DLG3: variants seen among roughly 807,000 people sequenced by gnomAD.
DLG3 encodes disks large homolog 3.
DLG3 carries 1 observed loss-of-function variant against 64.1 expected under a neutral mutation model. The observed-to-expected ratio is 0.02, with a 90% CI of 0.01 to 0.07. The LOEUF is 0.07. Ranked by LOEUF, DLG3 falls within the 10% of genes least tolerant of loss-of-function variation. The pLI is 1.00. For synonymous variants in DLG3, 245 were observed against 259.8 expected (o/e 0.94, Z 0.55); for missense variants, 429 against 669.5 (o/e 0.64, Z 3.96).
chrX:70,478,575 C>T (rs1013488463), intron 9 of DLG3, among the ~76,000 whole-genome samples: 3 of 111,750 alleles, frequency 2.7e-5, no homozygotes, highest in Admixed American at 9.5e-5. Flanking sequence ...ATGGTTGTTA[C>T]GGTTGTGAGG....
intron 1 of DLG3, 147 bp downstream of exon 1, chrX:70,445,705 G>A: frequency 1.8e-6 from 1 of 545,789 alleles, no homozygotes; most frequent in Non-Finnish European, 3.0e-6. Context: ...AAGAGAGGCG[G>A]TGGGAAATGT....
At chrX:70,464,461 A>G (rs1433334016) in intron 9 of DLG3, among the ~76,000 whole-genome samples, 1 of 109,735 alleles carries the variant, frequency 9.1e-6, no homozygotes, top group East Asian at 2.9e-4. Flanking sequence ...GGGTTTTGCC[A>G]TGTTGCTCAG....
At chrX:70,490,153 G>A (rs181913719) in intron 10 of DLG3, among the ~76,000 whole-genome samples, 4 of 112,152 alleles carry the variant, frequency 3.6e-5, no homozygotes, top group South Asian at 3.7e-4. Flanking sequence ...GTGAGCCACC[G>A]CGCCCGGCCT....
intron 9 of DLG3, among the ~76,000 whole-genome samples, chrX:70,472,995 A>G (rs1321134236): frequency 2.7e-5 from 3 of 109,449 alleles, no homozygotes; most frequent in African/African-American, 1.0e-4. Flanking sequence ...TGTCTCTACT[A>G]AAAATACAAA....
intron 9 of DLG3, among the ~76,000 whole-genome samples, chrX:70,459,046 C>T (rs1220262526): frequency 9.0e-6 from 1 of 111,714 alleles, no homozygotes; most frequent in African/African-American, 3.3e-5. Flanking sequence ...ACATTTTCCC[C>T]GTAGTGACTT....
chrX:70,472,712 G>A (rs1420114004), intron 9 of DLG3, among the ~76,000 whole-genome samples: 4 of 112,137 alleles, frequency 3.6e-5, no homozygotes, highest in African/African-American at 9.7e-5. Context: ...CATGTGCTTC[G>A]TCTGTCAAGA....
chrX:70,493,393 T>G (rs2087395682), intron 12 of DLG3: 1 of 1,206,579 alleles, frequency 8.3e-7, no homozygotes, highest in South Asian at 1.8e-5. Context: ...AAACGAAACG[T>G]AAAAAGAGTT....
intron 9 of DLG3, among the ~76,000 whole-genome samples, chrX:70,474,411 T>C (rs2087019866): frequency 9.1e-6 from 1 of 110,137 alleles, no homozygotes; most frequent in African/African-American, 3.3e-5. Context: ...AAGAAATAGA[T>C]TGAGGAAGCA....
At position 70,495,373 on chromosome X, in the gene DLG3, C is replaced by T. The variant is rs192601180; in HGVS notation, c.1774-35C>T. 1,985 of 1,191,942 alleles carry T rather than the reference C, an allele frequency of 1.7e-3. 11 individuals carry two copies. The highest frequency in any genetic ancestry group is 1.2e-3 in the Non-Finnish European group (1,077 of 879,608). ...TCCCCTTCCCCCCTCTTCTCCCCGTCGTCCTCTCTCCGCCCTTGCTGTCTG... is the reference window on the plus strand; with the variant it reads ...TCCCCTTCCCCCCTCTTCTCCCCGTTGTCCTCTCTCCGCCCTTGCTGTCTG... On this transcript the variant is annotated intron_variant, in intron 12 of 18. Coordinates refer to ENST00000374360, the MANE Select transcript of DLG3 (RefSeq NM_021120.4).
intron 9 of DLG3, among the ~76,000 whole-genome samples, chrX:70,468,131 G>A (rs1022505736): frequency 1.8e-5 from 2 of 111,345 alleles, no homozygotes; most frequent in Admixed American, 9.6e-5. Context: ...GTGCAGCGGC[G>A]CGATCTCGGC....
At chrX:70,473,585 A>AT (rs1325532751) in intron 9 of DLG3, among the ~76,000 whole-genome samples, 4 of 109,115 alleles carry the variant, frequency 3.7e-5, no homozygotes, top group South Asian at 4.0e-4. Flanking sequence ...ACATTCAGTA[A>AT]TTTTTTTTTA....
Position 70,503,885 on chromosome X carries a change from T to A in DLG3, c.*1616T>A, listed in dbSNP as rs995821050. On this transcript the variant is annotated 3_prime_UTR_variant, in exon 19 of 19. Transcript: ENST00000374360. Reference sequence around the variant, plus strand: ...TTGAAGCCAACGTGCCTCCCTCGCCTCCATACTGGAGGGACGACGCAGGGG... The same window carrying A: ...TTGAAGCCAACGTGCCTCCCTCGCCACCATACTGGAGGGACGACGCAGGGG... 2 of 110,771 alleles carry A rather than the reference T, an allele frequency of 1.8e-5. No individual in the cohort carries two copies. The highest frequency in any genetic ancestry group is 6.6e-5 in the African/African-American group (2 of 30,273). 9.1% of individuals were successfully genotyped at this position (110,771 alleles called of 1,213,427 possible). A position where few individuals can be genotyped will look rare whatever the true frequency, so the allele number is the denominator to read the frequency against.
chrX:70,448,207 T>C (rs2007250561), intron 1 of DLG3, among the ~76,000 whole-genome samples: 1 of 112,516 alleles, frequency 8.9e-6, no homozygotes, highest in Non-Finnish European at 1.9e-5. Context: ...GTGGGGCAAC[T>C]GTCCTTTTTC....
At position 70,465,089 on chromosome X, in the gene DLG3, T is replaced by G. The variant is rs997296783; in HGVS notation, c.1405+10773T>G. 3.6e-5 allele frequency among the ~76,000 whole-genome samples: 4 copies of G among 111,823 alleles called. No homozygotes were observed. The Admixed American group carries it at 3.8e-4, about 11-fold the overall frequency. ...AGGAGAGAATTTTGCAAATTTTGGG[T>G]TAAATTCCAGGGTAGATTAAGAGTT... On this transcript the variant is annotated intron_variant, in intron 9 of 18. Transcript: ENST00000374360.
At chrX:70,479,609 C>A (rs995947994) in intron 10 of DLG3, among the ~76,000 whole-genome samples, 1 of 111,649 alleles carries the variant, frequency 9.0e-6, no homozygotes, top group African/African-American at 3.3e-5. Flanking sequence ...TTGCCACCCC[C>A]CCATCCCCTT....
At chrX:70,469,951 G>A (rs1486110790) in intron 9 of DLG3, among the ~76,000 whole-genome samples, 1 of 111,596 alleles carries the variant, frequency 9.0e-6, no homozygotes, top group Non-Finnish European at 1.9e-5. Context: ...TGGCAAATGA[G>A]GGCTGTATGA....
intron 9 of DLG3, among the ~76,000 whole-genome samples, chrX:70,466,878 G>A (rs2086895976): frequency 9.0e-6 from 1 of 111,557 alleles, no homozygotes; most frequent in South Asian, 3.8e-4. Flanking sequence ...AATACTGTCC[G>A]AGTTTTATTC....
At chrX:70,488,975 AT>A (rs1477127368) in intron 10 of DLG3, among the ~76,000 whole-genome samples, 1 of 112,240 alleles carries the variant, frequency 8.9e-6, no homozygotes, top group East Asian at 2.8e-4. Flanking sequence ...CTTGGGTACC[AT>A]TTTTTATTGG....
chrX:70,480,715 TC>T (rs1284301033), intron 10 of DLG3, among the ~76,000 whole-genome samples: 1 of 112,452 alleles, frequency 8.9e-6, no homozygotes, highest in African/African-American at 3.2e-5. Flanking sequence ...TCAGGATTGT[TC>T]CGTTCCGTGC....
Sources: allele counts gnomAD v4.1 joint callset (sites outside exome capture counted in the v4.1 genomes callset), GRCh38; gene constraint gnomAD v4.1.1; transcripts MANE v1.5; gene names NCBI Gene and HGNC (gene_info 2026-07-23, HGNC 2026-07-21).